Variants in MRPS6 observed in about 807,000 individuals in gnomAD.
MRPS6 encodes the protein small ribosomal subunit protein bS6m.
Under a neutral mutation model 13.1 loss-of-function variants are expected in MRPS6, and 6 were observed. The ratio of observed to expected loss-of-function variants is 0.46; its 90% CI spans 0.25 to 0.91. MRPS6 has a LOEUF of 0.91. Among genes scored for constraint, MRPS6 ranks in the 40% least tolerant of loss-of-function variants. The probability of loss-of-function intolerance (pLI) is 0.18; values close to 1 mark genes in which losing one functional copy is unlikely to be tolerated. For missense variants in MRPS6, 164 were observed against 155.6 expected (o/e 1.05, Z -0.29); for synonymous variants, 61 against 56.5 (o/e 1.08, Z -0.36).
At position 34,098,866 on chromosome 21, in the gene MRPS6, A is replaced by G. The variant is rs931124583; in HGVS notation, c.45+25121A>G. ...CCTCCATGAAAGATGAAGGAAGCAA[A>G]TTATGTATGTACTTTCTTTGACCTT... On this transcript the variant is annotated intron_variant, in intron 1 of 2. Transcript: ENST00000399312. The G allele has an allele frequency of 3.0e-6, 3 of 999,694 alleles. No homozygotes were observed. The African/African-American group carries it at 5.2e-5, about 17-fold the overall frequency. 61.9% of individuals were successfully genotyped at this position (999,694 alleles called of 1,614,324 possible).
rs202077807 is a variant in MRPS6 at position 34,142,417 on chromosome 21, G to C, written c.195G>C (p.Leu65Phe). Residue 65 changes from leucine to phenylalanine, a missense_variant, in exon 3 of 3, where the codon TTG becomes TTC. Transcript: ENST00000399312. Reference protein sequence around the residue: ...SQQHNRGGYFLVDFYAPTAAV... With the variant: ...SQQHNRGGYFFVDFYAPTAAV... The stretch of plus-strand genomic sequence containing the variant: ...TTTTATTTTATTGCAGGTATTTCTT[G>C]GTGGATTTTTATGCACCCACCGCAG... 1 of 1,567,840 alleles carries C rather than the reference G, an allele frequency of 6.4e-7. No individual in the cohort carries two copies. Among genetic ancestry groups the C allele is most frequent in the Non-Finnish European group, 8.6e-7 (1 of 1,159,838 alleles).
chr21:34,103,391 A>G (rs148183078), intron 1 of MRPS6: 2 of 996,320 alleles, frequency 2.0e-6, no homozygotes, highest in Non-Finnish European at 2.4e-6. Flanking sequence ...GAAACCAGGT[A>G]GTTCTGTATT....
intron 1 of MRPS6, among the ~76,000 whole-genome samples, chr21:34,121,082 G>A (rs988628297): frequency 6.6e-6 from 1 of 152,244 alleles, no homozygotes; most frequent in Admixed American, 6.5e-5. Flanking sequence ...GATAGACAAA[G>A]GTCCTTGCTC....
At chr21:34,099,603 A>G in intron 1 of MRPS6, 1 of 953,200 alleles carries the variant, frequency 1.0e-6, no homozygotes, top group Non-Finnish European at 1.3e-6. Context: ...GGTGTTTGTG[A>G]TTTTTTTTTT....
chr21:34,111,069 G>A (rs1057162021), intron 1 of MRPS6, among the ~76,000 whole-genome samples: 2 of 152,182 alleles, frequency 1.3e-5, no homozygotes. Context: ...TGAAACAAGG[G>A]CGAAACATTG....
At chr21:34,109,886 A>G (rs939218821) in intron 1 of MRPS6, among the ~76,000 whole-genome samples, 52 of 152,196 alleles carry the variant, frequency 3.4e-4, no homozygotes, top group African/African-American at 1.2e-3. Context: ...TTATTTGACA[A>G]TCATACCTCC....
At chr21:34,122,461 A>G (rs1980153851) in intron 1 of MRPS6, 1 of 152,126 alleles carries the variant, frequency 6.6e-6, no homozygotes, top group South Asian at 2.1e-4. Context: ...CTGAAGTCAA[A>G]CAATTTTTTT....
intron 1 of MRPS6, among the ~76,000 whole-genome samples, chr21:34,094,385 C>T (rs1166096336): frequency 6.6e-6 from 1 of 152,174 alleles, no homozygotes; most frequent in Non-Finnish European, 1.5e-5. Context: ...ATCTAGTAAA[C>T]ACCACCTGCC....
At chr21:34,104,448 A>G in intron 1 of MRPS6, 2 of 999,856 alleles carry the variant, frequency 2.0e-6, no homozygotes, top group South Asian at 4.7e-5. Context: ...GTGTTAAAAG[A>G]TGTAATTCTC....
chr21:34,132,228 A>T (rs1205069954), intron 2 of MRPS6, among the ~76,000 whole-genome samples: 1 of 152,006 alleles, frequency 6.6e-6, no homozygotes, highest in Non-Finnish European at 1.5e-5. Flanking sequence ...GAGAGTGGCG[A>T]ATACAGTAAG....
intron 1 of MRPS6, chr21:34,102,734 AT>A: frequency 1.0e-6 from 1 of 1,000,128 alleles, no homozygotes; most frequent in Non-Finnish European, 1.2e-6. Context: ...GTGGTCTCAG[AT>A]TTTTCGTAGT....
chr21:34,136,898 A>G (rs1403599993), intron 2 of MRPS6, among the ~76,000 whole-genome samples: 1 of 152,132 alleles, frequency 6.6e-6, no homozygotes, highest in African/African-American at 2.4e-5. Context: ...AATCTGTCCC[A>G]TTTTGAGTTA....
At chr21:34,090,638 A>G (rs1418398134) in intron 1 of MRPS6, among the ~76,000 whole-genome samples, 1 of 152,216 alleles carries the variant, frequency 6.6e-6, no homozygotes, top group Non-Finnish European at 1.5e-5. Flanking sequence ...TAGTATATTC[A>G]GGTTGTAGGG....
rs767980704 is a variant in MRPS6, at chr21:34,125,365, C to A, written c.70C>A (p.Arg24Ser). ...GCCAGAGACTGCTGCTACTTTGAAA[C>A]GTACGATAGAGGCCCTGATGGACAG... ...QRPETAATLK[R>S]TIEALMDRGA... The change falls in exon 2 of 3, where the codon CGT (arginine) becomes AGT (serine). Residue 24 changes from arginine to serine, a missense_variant. Arg to Ser is a moderately radical substitution (Grantham distance 110, BLOSUM62 -1). Coordinates refer to ENST00000399312, the MANE Select transcript of MRPS6 (RefSeq NM_032476.4). 3 of 1,612,294 alleles carry A rather than the reference C, an allele frequency of 1.9e-6. No individual in the cohort carries two copies. Among genetic ancestry groups the A allele is most frequent in the African/African-American group, 2.7e-5 (2 of 74,742 alleles).
At chr21:34,106,272 C>T in intron 1 of MRPS6, 3 of 703,290 alleles carry the variant, frequency 4.3e-6, no homozygotes, top group Non-Finnish European at 5.4e-6. Flanking sequence ...ATTTCTGTGA[C>T]TAAGTATTTT....
rs1391669095 is a variant in MRPS6 at position 34,108,119 on chromosome 21, T to C, written c.46-17222T>C. 2.0e-5 allele frequency among the ~76,000 whole-genome samples: 3 copies of C among 152,222 alleles called. No individual in the cohort carries two copies. In the East Asian group the frequency reaches 5.8e-4, roughly 29 times the overall value. ...ACGTACCGTAACACGTTACTCCTGT[T>C]GATGGTGGTGCTGGTGTAAACAAAC... On this transcript the variant is annotated intron_variant, in intron 1 of 2. Coordinates refer to ENST00000399312, the MANE Select transcript of MRPS6 (RefSeq NM_032476.4).
chr21:34,084,958 C>T (rs2148654887), intron 1 of MRPS6, among the ~76,000 whole-genome samples: 1 of 152,236 alleles, frequency 6.6e-6, no homozygotes, highest in East Asian at 1.9e-4. Context: ...GAGTTGCAGA[C>T]ATCTTGACAT....
At chr21:34,129,989 C>T (rs1293166041) in intron 2 of MRPS6, among the ~76,000 whole-genome samples, 2 of 152,194 alleles carry the variant, frequency 1.3e-5, no homozygotes, top group African/African-American at 2.4e-5. Flanking sequence ...TTCACTGCCT[C>T]GGTGAAGCCT....
At chr21:34,100,909 C>T in intron 1 of MRPS6, 1 of 1,000,148 alleles carries the variant, frequency 1.0e-6, no homozygotes, top group Non-Finnish European at 1.2e-6. Context: ...GTTAGGTCTT[C>T]CCTGTTCCTG....
Sources: allele counts gnomAD v4.1 joint callset (sites outside exome capture counted in the v4.1 genomes callset), GRCh38; gene constraint gnomAD v4.1.1; transcripts MANE v1.5; gene names NCBI Gene and HGNC (gene_info 2026-07-23, HGNC 2026-07-21).